Variants in TXLNB observed in about 807,000 individuals in gnomAD.
TXLNB encodes the protein taxilin beta, also known as beta-taxilin.
A neutral mutation model predicts 57.4 loss-of-function variants in TXLNB; 37 were observed. That is an observed-to-expected ratio of 0.64 (90% confidence interval 0.50 to 0.85). TXLNB has a LOEUF of 0.85. TXLNB is among the 40% of genes least tolerant of loss of function. TXLNB has a pLI of 0.00. For synonymous variants in TXLNB, 302 were observed against 309.6 expected (o/e 0.98, Z 0.26); for missense variants, 848 against 825.6 (o/e 1.03, Z -0.33).
chr6:139,262,875 G>GT, intron 4 of TXLNB, 102 bp from the exon 5 acceptor site: 2 of 1,199,406 alleles, frequency 1.7e-6, no homozygotes, highest in Non-Finnish European at 2.3e-6. Context: ...TAGGTGGGAT[G>GT]TTTTTTCTCA....
intron 3 of TXLNB, chr6:139,271,484 T>C (rs939376513): frequency 1.3e-5 from 2 of 152,104 alleles, no homozygotes; most frequent in African/African-American, 2.4e-5. Context: ...TAGGGTAGGG[T>C]TGTCAGTAAA....
the TXLNB span, among the ~76,000 whole-genome samples, chr6:139,198,901 T>C: frequency 1.3e-5 from 2 of 152,118 alleles, no homozygotes; most frequent in African/African-American, 2.4e-5. Context: ...TCCATACCTC[T>C]ATAAATACTG....
intron 4 of TXLNB, among the ~76,000 whole-genome samples, chr6:139,269,431 G>A (rs1183708823): frequency 1.3e-5 from 2 of 152,128 alleles, no homozygotes; most frequent in South Asian, 2.1e-4. Flanking sequence ...GCCCCCATTC[G>A]GCCTGGGAGT....
the TXLNB span, among the ~76,000 whole-genome samples, chr6:139,175,803 A>G: frequency 2.0e-5 from 3 of 152,186 alleles, no homozygotes; most frequent in Non-Finnish European, 2.9e-5. Flanking sequence ...TAGGAGGAAA[A>G]ACAGAACAGC....
chr6:139,321,559 TA>T, the TXLNB span, among the ~76,000 whole-genome samples: 1 of 150,398 alleles, frequency 6.6e-6, no homozygotes, highest in Non-Finnish European at 1.5e-5. Flanking sequence ...TTTTTTTTTT[TA>T]ATCTATGGAG....
chr6:139,285,822 C>A (rs2114631497), intron 2 of TXLNB, among the ~76,000 whole-genome samples: 1 of 145,526 alleles, frequency 6.9e-6, no homozygotes, highest in East Asian at 2.0e-4. Context: ...AGGCCACGGA[C>A]TGGTACCAGT....
chr6:139,183,799 C>T, the TXLNB span, among the ~76,000 whole-genome samples: 1 of 152,086 alleles, frequency 6.6e-6, no homozygotes, highest in Non-Finnish European at 1.5e-5. Flanking sequence ...TACTTCAACC[C>T]ACTGCTTATA....
At position 139,288,542 on chromosome 6, in the gene TXLNB, G is replaced by T. The variant is rs771691923; in HGVS notation, c.358C>A (p.Pro120Thr). 6.2e-7 allele frequency: 1 copy of T among 1,614,044 alleles called. No homozygotes were observed. The highest frequency in any genetic ancestry group is 8.5e-7 in the Non-Finnish European group (1 of 1,180,042). The change falls in exon 2 of 10, where the codon CCC becomes ACC. Residue 120 changes from proline to threonine, a missense_variant. Pro to Thr is a conservative substitution (Grantham distance 38). Coordinates refer to ENST00000358430, the MANE Select transcript of TXLNB (RefSeq NM_153235.4). ...GREPVASGEP[P>T]TVKEPVSNKE... ...TTGCTGACGGGCTCTTTGACAGTGG[G>T]TGGCTCTCCAGAAGCAACGGGTTCT...
chr6:139,182,118 T>A, the TXLNB span, among the ~76,000 whole-genome samples: 2 of 152,216 alleles, frequency 1.3e-5, no homozygotes, highest in Admixed American at 6.5e-5. Context: ...CTTGTCCTCT[T>A]CAATTCAAAT....
chr6:139,256,230 C>T (rs1274051483), intron 6 of TXLNB, among the ~76,000 whole-genome samples: 2 of 152,168 alleles, frequency 1.3e-5, no homozygotes, highest in African/African-American at 4.8e-5. Flanking sequence ...ATTCTGGAAC[C>T]TTCTCTAGTA....
At chr6:139,216,531 C>T in the TXLNB span, among the ~76,000 whole-genome samples, 3 of 150,912 alleles carry the variant, frequency 2.0e-5, no homozygotes, top group Admixed American at 6.6e-5. Flanking sequence ...TGCTAAACGA[C>T]GAATTAATGG....
chr6:139,165,101 A>G, the TXLNB span, among the ~76,000 whole-genome samples: 31 of 152,322 alleles, frequency 2.0e-4, no homozygotes, highest in Admixed American at 4.6e-4. Context: ...TTAATCTTCA[A>G]AAAATCTCTA....
chr6:139,311,415 T>A, the TXLNB span, among the ~76,000 whole-genome samples: 1 of 150,768 alleles, frequency 6.6e-6, no homozygotes, highest in African/African-American at 2.4e-5. Flanking sequence ...GCAGGACAGG[T>A]GCTGCAGAGT....
At chr6:139,165,852 G>T in the TXLNB span, among the ~76,000 whole-genome samples, 5 of 152,142 alleles carry the variant, frequency 3.3e-5, no homozygotes, top group Admixed American at 3.3e-4. Context: ...CAACTATGTT[G>T]TTCCCACTTC....
At chr6:139,293,288 C>T (rs12660811), upstream of TXLNB, among the ~76,000 whole-genome samples, 50,327 of 151,794 alleles carry the variant, frequency 0.33, 9,173 homozygotes, top group African/African-American at 0.49. Flanking sequence ...GACGGGGTTT[C>T]GCTGTGTTGG....
the TXLNB span, among the ~76,000 whole-genome samples, chr6:139,213,556 C>A: frequency 6.6e-6 from 1 of 152,004 alleles, no homozygotes; most frequent in South Asian, 2.1e-4. Flanking sequence ...CCTAACATCA[C>A]AATTAAAAGA....
the TXLNB span, chr6:139,174,450 A>G: frequency 6.2e-7 from 1 of 1,613,952 alleles, no homozygotes; most frequent in Non-Finnish European, 8.5e-7. Flanking sequence ...GATCATCTGC[A>G]TCAAGTGTAA....
At chr6:139,272,289 A>G (rs1315389353) in intron 3 of TXLNB, among the ~76,000 whole-genome samples, 1 of 152,144 alleles carries the variant, frequency 6.6e-6, no homozygotes, top group Non-Finnish European at 1.5e-5. Flanking sequence ...CCTGGGCAAC[A>G]GAGCAAGACT....
the TXLNB span, among the ~76,000 whole-genome samples, chr6:139,198,874 T>G: frequency 6.6e-6 from 1 of 152,208 alleles, no homozygotes; most frequent in African/African-American, 2.4e-5. Flanking sequence ...TCATTCCTCT[T>G]TGTTTCCTGA....
Sources: allele counts gnomAD v4.1 joint callset (sites outside exome capture counted in the v4.1 genomes callset), GRCh38; gene constraint gnomAD v4.1.1; transcripts MANE v1.5; gene names NCBI Gene and HGNC (gene_info 2026-07-23, HGNC 2026-07-21).